The following TMEM231 variants were observed in gnomAD, a reference collection of about 807,000 sequenced individuals.
TMEM231 encodes transmembrane protein 231.
In TMEM231, 40 loss-of-function variants were observed where a neutral mutation model predicts 38.5. The observed-to-expected ratio is 1.04, with a 90% CI of 0.81 to 1.35. The LOEUF is 1.35. Among genes scored for constraint, TMEM231 ranks in the 40% most tolerant of loss-of-function variants. The probability of loss-of-function intolerance (pLI) is 0.00; values close to 1 mark genes in which losing one functional copy is unlikely to be tolerated. For synonymous variants in TMEM231, 199 were observed against 181.7 expected (o/e 1.10, Z -0.77); for missense variants, 420 against 416.9 (o/e 1.01, Z -0.07).
At chr16:75,548,174 C>A (rs2080716184) in intron 2 of TMEM231, among the ~76,000 whole-genome samples, 2 of 152,194 alleles carry the variant, frequency 1.3e-5, no homozygotes, top group Non-Finnish European at 2.9e-5. Flanking sequence ...CAGGTGACTT[C>A]AAATCTGGTC....
At chr16:75,543,677 C>G (rs2080652022) in intron 4 of TMEM231, among the ~76,000 whole-genome samples, 1 of 152,168 alleles carries the variant, frequency 6.6e-6, no homozygotes, top group African/African-American at 2.4e-5. Flanking sequence ...GTGCTAAGTT[C>G]TTTATCACTT....
chr16:75,551,926 C>T (rs908950104), intron 2 of TMEM231, among the ~76,000 whole-genome samples: 5 of 149,498 alleles, frequency 3.3e-5, no homozygotes, highest in African/African-American at 1.2e-4. Flanking sequence ...TGCGCCACTG[C>T]ACTCCAGCCT....
At position 75,538,432 on chromosome 16, in the gene TMEM231, T is replaced by C. The variant is rs1451723691; in HGVS notation, c.*1562A>G. On this transcript the variant is annotated 3_prime_UTR_variant, in exon 7 of 7. Transcript: ENST00000258173. ...TATCTTGTCATCTTTCCATATCTCA[T>C]TGCCTTATGTGAATTTAAACAAGAA... 6.6e-6 allele frequency: 1 copy of C among 152,202 alleles called. No homozygotes were observed. Among genetic ancestry groups the C allele is most frequent in the Non-Finnish European group, 1.5e-5 (1 of 68,036 alleles). 9.4% of individuals were successfully genotyped at this position (152,202 alleles called of 1,614,324 possible). A position where few individuals can be genotyped will look rare whatever the true frequency, so the allele number is the denominator to read the frequency against.
intron 2 of TMEM231, among the ~76,000 whole-genome samples, chr16:75,548,115 G>A (rs1358407318): frequency 6.6e-6 from 1 of 152,124 alleles, no homozygotes; most frequent in East Asian, 1.9e-4. Flanking sequence ...GTGAGATTAG[G>A]GCATTTATCA....
chr16:75,551,587 T>A (rs1458778274), intron 2 of TMEM231, among the ~76,000 whole-genome samples: 1 of 152,236 alleles, frequency 6.6e-6, no homozygotes, highest in East Asian at 1.9e-4. Flanking sequence ...ACTTTTCTAA[T>A]CACTTACTTT....
In TMEM231 at chr16:75,537,561, A is replaced by G. The variant is rs900864110; in HGVS notation, c.*2433T>C. 4 of 148,684 alleles carry G rather than the reference A, an allele frequency of 2.7e-5. No individual in the cohort carries two copies. The highest frequency in any genetic ancestry group is 1.0e-4 in the African/African-American group (4 of 39,970). The allele number at this position is 148,684 out of a possible 1,614,324, so 9.2% of individuals were successfully genotyped here. On this transcript the variant is annotated 3_prime_UTR_variant, in exon 7 of 7. Transcript: ENST00000258173. ...GAGTGCAGTGGCGCAATCTCGGCTC[A>G]CTGCAACCTCCGCCTCCAGGGTTCA...
intron 2 of TMEM231, chr16:75,546,208 C>T (rs1364932836): frequency 2.9e-6 from 3 of 1,041,162 alleles, no homozygotes; most frequent in African/African-American, 1.6e-5. Flanking sequence ...TAACAAAAAA[C>T]ATCTGGATAG....
intron 2 of TMEM231, among the ~76,000 whole-genome samples, chr16:75,549,720 T>A (rs1041470346): frequency 3.9e-5 from 6 of 152,184 alleles, no homozygotes; most frequent in Non-Finnish European, 8.8e-5. Flanking sequence ...TTTTTTGTTT[T>A]TTTTTTGAGA....
At chr16:75,554,545 C>CA (rs1185694717) in intron 2 of TMEM231, among the ~76,000 whole-genome samples, 4,014 of 93,806 alleles carry the variant, frequency 0.043, 157 homozygotes, top group African/African-American at 0.12. Flanking sequence ...GACTGTGTCT[C>CA]AAAAAAAAAA....
At chr16:75,544,486 G>C (rs1470822003) in intron 4 of TMEM231, among the ~76,000 whole-genome samples, 1 of 152,158 alleles carries the variant, frequency 6.6e-6, no homozygotes, top group Non-Finnish European at 1.5e-5. Context: ...GGCTGGAAGG[G>C]AGCAAGCGGG....
At chr16:75,541,811 G>A (rs149734210) in intron 5 of TMEM231, 186 of 159,490 alleles carry the variant, frequency 1.2e-3, no homozygotes, top group African/African-American at 4.2e-3. Flanking sequence ...GGATCCCAAT[G>A]TGTTTCTACA....
intron 2 of TMEM231, among the ~76,000 whole-genome samples, chr16:75,553,683 C>A (rs879892836): frequency 6.8e-6 from 1 of 147,688 alleles, no homozygotes; most frequent in Non-Finnish European, 1.5e-5. Flanking sequence ...TTCTCTATTT[C>A]TTTTTAATTT....
At chr16:75,553,347 C>T (rs1207212610) in intron 2 of TMEM231, among the ~76,000 whole-genome samples, 1 of 152,164 alleles carries the variant, frequency 6.6e-6, no homozygotes, top group Non-Finnish European at 1.5e-5. Flanking sequence ...TGGCTCACAC[C>T]TGTAATCACA....
At chr16:75,549,807 C>T (rs534821251) in intron 2 of TMEM231, among the ~76,000 whole-genome samples, 5 of 152,230 alleles carry the variant, frequency 3.3e-5, no homozygotes, top group East Asian at 3.9e-4. Context: ...CTCCCAGGTT[C>T]GAGTGATTCT....
At chr16:75,541,613 C>T (rs952175057) in intron 5 of TMEM231, 158 bp from the exon 6 acceptor site, 4 of 441,560 alleles carry the variant, frequency 9.1e-6, no homozygotes, top group Non-Finnish European at 1.6e-5. Context: ...GCTGATCACA[C>T]ATTATTTGTT....
intron 2 of TMEM231, 145 bp downstream of exon 2, chr16:75,555,659 G>A (rs1220570229): frequency 3.7e-6 from 3 of 803,610 alleles, no homozygotes; most frequent in African/African-American, 3.6e-5. Flanking sequence ...CCTAGGAGAT[G>A]AAACGCCACC....
chr16:75,542,726 T>C, intron 4 of TMEM231, 43 bp from the exon 5 acceptor site: 2 of 1,581,652 alleles, frequency 1.3e-6, no homozygotes, highest in Non-Finnish European at 1.7e-6. Context: ...CCTGGGAGAC[T>C]CCTCCCCTTT....
chr16:75,546,511 C>A (rs534869885), intron 2 of TMEM231, among the ~76,000 whole-genome samples: 12 of 152,124 alleles, frequency 7.9e-5, no homozygotes, highest in African/African-American at 2.7e-4. Flanking sequence ...GACGCAATCA[C>A]GGCTCACTAC....
rs556418119 is a variant in TMEM231, at chr16:75,544,910, C to A, written c.582+442G>T. On this transcript the variant is annotated intron_variant, in intron 4 of 6. Transcript: ENST00000258173. Reference sequence around the variant, plus strand: ...TCTACAGAGACCCTCTTTGGTGCCACCCACAAAGAAATGATATTTCTACTT... The same window carrying A: ...TCTACAGAGACCCTCTTTGGTGCCAACCACAAAGAAATGATATTTCTACTT... 3.3e-5 allele frequency among the ~76,000 whole-genome samples: 5 copies of A among 151,280 alleles called. No homozygotes were observed. In the East Asian group the frequency reaches 9.8e-4, roughly 30 times the overall value.
Sources: gnomAD v4.1 joint callset for allele counts (sites outside exome capture counted in the v4.1 genomes callset) on GRCh38, gnomAD v4.1.1 for gene constraint, MANE v1.5 for transcripts, NCBI Gene and HGNC (gene_info 2026-07-23, HGNC 2026-07-21) for gene names.